CDH18: variants seen among roughly 807,000 people sequenced by gnomAD.
CDH18 encodes cadherin-18.
In CDH18, 31 loss-of-function variants were observed where a neutral mutation model predicts 67.9. The ratio of observed to expected loss-of-function variants is 0.46; its 90% CI spans 0.34 to 0.62. CDH18 has a LOEUF of 0.62. CDH18 is among the 20% of genes least tolerant of loss of function. The pLI is 0.01. For missense variants in CDH18, 890 were observed against 975.5 expected (o/e 0.91, Z 1.17); for synonymous variants, 362 against 347.2 (o/e 1.04, Z -0.48).
At chr5:20,367,394 G>C (rs1052562142) in intron 1 of CDH18, among the ~76,000 whole-genome samples, 15 of 152,134 alleles carry the variant, frequency 9.9e-5, no homozygotes, top group African/African-American at 3.4e-4. Flanking sequence ...ACTTTCGCTG[G>C]CTGGCCAGAT....
Position 19,473,709 on chromosome 5 carries a change from C to T in CDH18, c.1890G>A (p.Val630=). Residue 630 remains valine, a synonymous_variant, in exon 13 of 13, where the codon GTG becomes GTA. Coordinates refer to ENST00000382275, the MANE Select transcript of CDH18 (RefSeq NM_004934.5). ...TGCGCCTCAGGGTGATAAAAAGTACCACAATTGCTGAGGAAGAATGGAAAA... is the reference window on the plus strand; with the variant it reads ...TGCGCCTCAGGGTGATAAAAAGTACTACAATTGCTGAGGAAGAATGGAAAA... The part of the protein sequence containing the change: ...LLCVLILLAI[V]VLFITLRRSK... 6.3e-7 allele frequency: 1 copy of T among 1,593,854 alleles called. No homozygotes were observed. The highest frequency in any genetic ancestry group is 1.1e-5 in the South Asian group (1 of 89,472).
intron 2 of CDH18, among the ~76,000 whole-genome samples, chr5:20,080,467 G>A (rs1245882731): frequency 6.6e-6 from 1 of 152,106 alleles, no homozygotes; most frequent in Non-Finnish European, 1.5e-5. Flanking sequence ...AACATAGATG[G>A]ATATGTGAAG....
At chr5:20,292,119 T>C (rs1041294693) in intron 1 of CDH18, among the ~76,000 whole-genome samples, 7 of 152,230 alleles carry the variant, frequency 4.6e-5, no homozygotes, top group African/African-American at 9.6e-5. Flanking sequence ...GCTGATGCAA[T>C]GTAAGAATGA....
chr5:20,461,615 T>C (rs1337713625), intron 1 of CDH18, among the ~76,000 whole-genome samples: 1 of 152,102 alleles, frequency 6.6e-6, no homozygotes, highest in Non-Finnish European at 1.5e-5. Context: ...CTCTTCTTTC[T>C]GCTTGCTAGA....
chr5:19,528,704 T>C (rs1748128966), intron 9 of CDH18, among the ~76,000 whole-genome samples: 1 of 151,810 alleles, frequency 6.6e-6, no homozygotes, highest in African/African-American at 2.4e-5. Context: ...TGATTCTAAG[T>C]GAGGGAAGAA....
intron 2 of CDH18, among the ~76,000 whole-genome samples, chr5:20,070,739 G>A (rs1028750228): frequency 2.0e-5 from 3 of 152,092 alleles, no homozygotes; most frequent in Admixed American, 6.6e-5. Context: ...TAAGCTATAA[G>A]CTACCTTAAC....
At chr5:19,662,231 C>T (rs539306629) in intron 5 of CDH18, among the ~76,000 whole-genome samples, 14 of 151,402 alleles carry the variant, frequency 9.2e-5, no homozygotes, top group Non-Finnish European at 1.8e-4. Flanking sequence ...ATTTTACTTG[C>T]GTCCCATTTT....
chr5:19,480,306 A>C (rs1172694884), intron 12 of CDH18, among the ~76,000 whole-genome samples: 1 of 151,946 alleles, frequency 6.6e-6, no homozygotes, highest in African/African-American at 2.4e-5. Context: ...GTATGTTAAT[A>C]TCTAAAGAAA....
intron 2 of CDH18, among the ~76,000 whole-genome samples, chr5:20,236,024 T>C (rs1226087339): frequency 6.6e-6 from 1 of 152,060 alleles, no homozygotes. Context: ...AACTGAAAGC[T>C]AACCATTGGG....
chr5:20,001,846 G>C (rs1189687016), intron 2 of CDH18, among the ~76,000 whole-genome samples: 1 of 152,100 alleles, frequency 6.6e-6, no homozygotes, highest in Non-Finnish European at 1.5e-5. Flanking sequence ...TAGGCCCTCA[G>C]AGTGGCAAAA....
At chr5:19,534,035 A>G (rs1749044767) in intron 9 of CDH18, among the ~76,000 whole-genome samples, 1 of 152,184 alleles carries the variant, frequency 6.6e-6, no homozygotes, top group Non-Finnish European at 1.5e-5. Flanking sequence ...ACACTGGGAT[A>G]TTGCAATTAA....
At chr5:20,324,796 A>C (rs2150013055) in intron 1 of CDH18, among the ~76,000 whole-genome samples, 1 of 152,330 alleles carries the variant, frequency 6.6e-6, no homozygotes, top group Admixed American at 6.5e-5. Context: ...TAGCTAACAA[A>C]ATAAAACTAT....
intron 4 of CDH18, among the ~76,000 whole-genome samples, chr5:19,745,103 T>C (rs1479014791): frequency 6.6e-6 from 1 of 152,218 alleles, no homozygotes; most frequent in Non-Finnish European, 1.5e-5. Flanking sequence ...TTTCCCACAA[T>C]ATCCACAATT....
chr5:19,843,811 TG>T (rs1456820350), intron 2 of CDH18, among the ~76,000 whole-genome samples: 1 of 152,228 alleles, frequency 6.6e-6, no homozygotes, highest in Non-Finnish European at 1.5e-5. Flanking sequence ...GCCCTGCATG[TG>T]AGACATGGAG....
At chr5:20,060,787 T>C (rs531923774) in intron 2 of CDH18, among the ~76,000 whole-genome samples, 5 of 152,228 alleles carry the variant, frequency 3.3e-5, no homozygotes, top group Admixed American at 2.0e-4. Flanking sequence ...CCCAATTCTA[T>C]ATAAGTGAAG....
At chr5:20,542,421 G>T (rs1757100906) in intron 1 of CDH18, among the ~76,000 whole-genome samples, 1 of 151,286 alleles carries the variant, frequency 6.6e-6, no homozygotes, top group African/African-American at 2.4e-5. Flanking sequence ...TAGCATTATA[G>T]TATATAAATA....
intron 2 of CDH18, among the ~76,000 whole-genome samples, chr5:19,996,032 T>C (rs1340682708): frequency 6.6e-6 from 1 of 152,166 alleles, no homozygotes; most frequent in African/African-American, 2.4e-5. Flanking sequence ...CAAAATCATT[T>C]TAATGACTTT....
chr5:19,598,329 C>T, intron 6 of CDH18, among the ~76,000 whole-genome samples: 1 of 152,118 alleles, frequency 6.6e-6, no homozygotes, highest in Admixed American at 6.6e-5. Context: ...TGAATAGTCA[C>T]TTCTACTATA....
chr5:19,541,475 C>T (rs1750265446), intron 9 of CDH18, among the ~76,000 whole-genome samples: 1 of 152,130 alleles, frequency 6.6e-6, no homozygotes, highest in Non-Finnish European at 1.5e-5. Flanking sequence ...TATCAATTTA[C>T]TGTGTTAGTC....
Sources: allele counts gnomAD v4.1 joint callset (sites outside exome capture counted in the v4.1 genomes callset), GRCh38; gene constraint gnomAD v4.1.1; transcripts MANE v1.5; gene names NCBI Gene and HGNC (gene_info 2026-07-23, HGNC 2026-07-21).